Variants in TMTC2 observed in about 807,000 individuals in gnomAD.
TMTC2 encodes protein O-mannosyl-transferase TMTC2.
TMTC2 carries 43 observed loss-of-function variants against 82.4 expected under a neutral mutation model. That is an observed-to-expected ratio of 0.52 (90% CI 0.41 to 0.67). The LOEUF is 0.67. Among genes scored for constraint, TMTC2 ranks in the 30% least tolerant of loss-of-function variants. The pLI is 0.00. For synonymous variants in TMTC2, 408 were observed against 381.9 expected (o/e 1.07, Z -0.80); for missense variants, 919 against 1,012.4 (o/e 0.91, Z 1.25).
intron 1 of TMTC2, among the ~76,000 whole-genome samples, chr12:82,694,868 C>T (rs984824251): frequency 2.6e-5 from 4 of 151,728 alleles, no homozygotes; most frequent in Non-Finnish European, 4.4e-5. Context: ...CTTGCGGTAA[C>T]GGAATTGATT....
intron 7 of TMTC2, among the ~76,000 whole-genome samples, chr12:82,974,794 G>A (rs1257143689): frequency 6.6e-6 from 1 of 152,176 alleles, no homozygotes; most frequent in Non-Finnish European, 1.5e-5. Context: ...GGACAAAAGG[G>A]TACGATCTAG....
At chr12:82,732,350 T>G (rs1874862002) in intron 1 of TMTC2, among the ~76,000 whole-genome samples, 1 of 151,094 alleles carries the variant, frequency 6.6e-6, no homozygotes, top group Non-Finnish European at 1.5e-5. Context: ...CTCATCATGT[T>G]TTTTTTTTAT....
chr12:82,987,542 C>T (rs150934984), intron 8 of TMTC2, among the ~76,000 whole-genome samples: 27 of 151,054 alleles, frequency 1.8e-4, no homozygotes, highest in African/African-American at 5.8e-4. Flanking sequence ...GTTTTTAACA[C>T]TAAACTGAGC....
chr12:82,891,996 G>A (rs1873421373), intron 2 of TMTC2, among the ~76,000 whole-genome samples: 1 of 152,054 alleles, frequency 6.6e-6, no homozygotes, highest in Non-Finnish European at 1.5e-5. Context: ...AACCCAAGAG[G>A]TTGAGGCTGC....
At chr12:82,689,941 AT>A (rs1318253070) in intron 1 of TMTC2, among the ~76,000 whole-genome samples, 1 of 152,236 alleles carries the variant, frequency 6.6e-6, no homozygotes, top group Non-Finnish European at 1.5e-5. Context: ...TTTTACACTG[AT>A]TTCTTAGCAG....
chr12:83,041,786 C>G (rs1432816707), intron 9 of TMTC2, among the ~76,000 whole-genome samples: 2 of 152,120 alleles, frequency 1.3e-5, no homozygotes, highest in Admixed American at 6.5e-5. Context: ...TTCCATTATT[C>G]CATTATTTCC....
chr12:82,875,422 T>A (rs912934166), intron 2 of TMTC2, among the ~76,000 whole-genome samples: 4 of 151,578 alleles, frequency 2.6e-5, no homozygotes, highest in Non-Finnish European at 5.9e-5. Context: ...CTTAGAGCAG[T>A]ATGATTTGTC....
chr12:83,020,625 G>C (rs555097303), intron 8 of TMTC2, among the ~76,000 whole-genome samples: 10 of 151,730 alleles, frequency 6.6e-5, no homozygotes, highest in African/African-American at 2.4e-4. Flanking sequence ...CTTATGATAA[G>C]ATGTTGGTTT....
In TMTC2 at chr12:82,907,163, G is replaced by A. The variant is rs117802760; in HGVS notation, c.1483+10517G>A. On this transcript the variant is annotated intron_variant, in intron 3 of 11. Transcript: ENST00000321196. ...ATGGGGGAGTTGCAGAAGTTCAGAC[G>A]CCTTTAAGAATGAATTGGGGCCGGG... 7.9e-5 allele frequency among the ~76,000 whole-genome samples: 12 copies of A among 152,072 alleles called. No homozygotes were observed. In the East Asian group the frequency reaches 1.2e-3, roughly 15 times the overall value.
At chr12:83,037,427 A>T (rs1592709443) in intron 9 of TMTC2, among the ~76,000 whole-genome samples, 1 of 152,232 alleles carries the variant, frequency 6.6e-6, no homozygotes, top group Non-Finnish European at 1.5e-5. Flanking sequence ...TGCCTTAATT[A>T]AAAATGAAAA....
chr12:82,732,699 C>T (rs995149416), intron 1 of TMTC2, among the ~76,000 whole-genome samples: 3 of 152,158 alleles, frequency 2.0e-5, no homozygotes, highest in Non-Finnish European at 2.9e-5. Context: ...TATAGAAAGA[C>T]AGATGAGGAC....
At chr12:82,786,233 T>C (rs1277672620) in intron 1 of TMTC2, among the ~76,000 whole-genome samples, 1 of 152,132 alleles carries the variant, frequency 6.6e-6, no homozygotes, top group Non-Finnish European at 1.5e-5. Context: ...CATCTTACTT[T>C]CTAGCTTCCT....
chr12:82,826,816 C>A (rs75034914), intron 1 of TMTC2, among the ~76,000 whole-genome samples: 3 of 152,136 alleles, frequency 2.0e-5, no homozygotes, highest in African/African-American at 7.2e-5. Context: ...TCTGTGAGAA[C>A]CTTTCCAGCC....
intron 8 of TMTC2, among the ~76,000 whole-genome samples, chr12:82,994,915 C>T (rs1879548442): frequency 6.6e-6 from 1 of 152,062 alleles, no homozygotes; most frequent in African/African-American, 2.4e-5. Context: ...GGATCCCATA[C>T]CACTTGGAAG....
In TMTC2 at chr12:82,957,226, G is replaced by A. The variant is rs147008162; in HGVS notation, c.1599-7798G>A. Reference sequence around the variant, plus strand: ...GAATAAAAATAAAAATCATTACCTAGGAGATCTCTCAAAACCACAGTATTA... The same window carrying A: ...GAATAAAAATAAAAATCATTACCTAAGAGATCTCTCAAAACCACAGTATTA... On this transcript the variant is annotated intron_variant, in intron 4 of 11. Coordinates refer to ENST00000321196, the MANE Select transcript of TMTC2 (RefSeq NM_152588.3). Among the ~76,000 whole-genome samples the A allele has an allele frequency of 3.1e-3, 468 of 152,176 alleles. 3 individuals are homozygous for A. The highest frequency in any genetic ancestry group is 0.011 in the African/African-American group (445 of 41,506).
chr12:83,031,645 A>G (rs971987900), intron 9 of TMTC2, among the ~76,000 whole-genome samples: 10 of 152,218 alleles, frequency 6.6e-5, no homozygotes, highest in African/African-American at 2.4e-4. Flanking sequence ...TGATGTATTA[A>G]TGACTATCAA....
chr12:82,838,757 G>T (rs1343369368), intron 1 of TMTC2, among the ~76,000 whole-genome samples: 1 of 151,164 alleles, frequency 6.6e-6, no homozygotes, highest in Non-Finnish European at 1.5e-5. Flanking sequence ...CAGGGTGACA[G>T]TGATGAGCTT....
intron 4 of TMTC2, among the ~76,000 whole-genome samples, chr12:82,951,476 TTTTC>T (rs1221936823): frequency 1.3e-5 from 2 of 151,998 alleles, no homozygotes; most frequent in Non-Finnish European, 2.9e-5. Flanking sequence ...TGTTGTTTTG[TTTTC>T]TTTTTTTGTT....
At chr12:82,807,565 A>T (rs1266751042) in intron 1 of TMTC2, among the ~76,000 whole-genome samples, 3 of 152,132 alleles carry the variant, frequency 2.0e-5, no homozygotes, top group South Asian at 4.1e-4. Context: ...GCATGTTTCT[A>T]ATGACTGATG....
Sources: allele counts gnomAD v4.1 joint callset (sites outside exome capture counted in the v4.1 genomes callset), GRCh38; gene constraint gnomAD v4.1.1; transcripts MANE v1.5; gene names NCBI Gene and HGNC (gene_info 2026-07-23, HGNC 2026-07-21).